RXFP1: variants seen among roughly 807,000 people sequenced by gnomAD.
The protein encoded by RXFP1 is relaxin receptor 1.
A neutral mutation model predicts 89.8 loss-of-function variants in RXFP1; 73 were observed. The ratio of observed to expected loss-of-function variants is 0.81; its 90% CI spans 0.67 to 0.99. The LOEUF (loss-of-function observed/expected upper bound fraction) is 0.99, where lower values mean the gene tolerates loss of function less well. Ranked by LOEUF, RXFP1 falls within the 50% of genes least tolerant of loss-of-function variation. The pLI, the probability that RXFP1 is intolerant of heterozygous loss-of-function variation, is 0.00. For synonymous variants in RXFP1, 277 were observed against 305.5 expected (o/e 0.91, Z 0.97); for missense variants, 793 against 895.5 (o/e 0.89, Z 1.46).
chr4:158,568,930 GTTC>G (rs1166789429), intron 1 of RXFP1, among the ~76,000 whole-genome samples: 1 of 152,128 alleles, frequency 6.6e-6, no homozygotes, highest in Non-Finnish European at 1.5e-5. Flanking sequence ...AAACTATTCT[GTTC>G]TTATTTCTTC....
chr4:158,562,502 C>A (rs1205456257), intron 1 of RXFP1, among the ~76,000 whole-genome samples: 1 of 98,912 alleles, frequency 1.0e-5, no homozygotes, highest in Non-Finnish European at 1.8e-5. Context: ...CCAGCCTGGG[C>A]GACAGAGCGA....
At chr4:158,546,635 A>G (rs572588353) in intron 1 of RXFP1, among the ~76,000 whole-genome samples, 83 of 152,206 alleles carry the variant, frequency 5.5e-4, no homozygotes, top group Admixed American at 3.5e-3. Context: ...ATCGATACCT[A>G]ATTTATTGAG....
chr4:158,594,596 G>T lies in RXFP1; in HGVS notation c.286+1097G>T, dbSNP rs372361434. Among the ~76,000 whole-genome samples, 38 of 152,150 alleles carry T rather than the reference G, an allele frequency of 2.5e-4. No homozygotes were observed. In the East Asian group the frequency reaches 5.2e-3, roughly 21 times the overall value. Reference sequence around the variant, plus strand: ...ATTATTGTTGAAGTCTATATAGGAGGCTATAGATAGGATGTTTTGTTTTAT... The same window carrying T: ...ATTATTGTTGAAGTCTATATAGGAGTCTATAGATAGGATGTTTTGTTTTAT... On this transcript the variant is annotated intron_variant, in intron 3 of 17. Transcript: ENST00000307765.
intron 9 of RXFP1, among the ~76,000 whole-genome samples, chr4:158,618,104 G>A (rs1241917051): frequency 1.3e-5 from 2 of 152,100 alleles, no homozygotes; most frequent in East Asian, 1.9e-4. Flanking sequence ...ATTTTGGTAT[G>A]ACAGTATAAT....
At chr4:158,546,189 G>A (rs1748342034) in intron 1 of RXFP1, among the ~76,000 whole-genome samples, 2 of 151,948 alleles carry the variant, frequency 1.3e-5, no homozygotes, top group African/African-American at 2.4e-5. Flanking sequence ...TGGATTCCTA[G>A]GTATTTTATT....
At chr4:158,630,636 A>G (rs1767854785) in intron 11 of RXFP1, among the ~76,000 whole-genome samples, 1 of 152,224 alleles carries the variant, frequency 6.6e-6, no homozygotes, top group Non-Finnish European at 1.5e-5. Flanking sequence ...AAAGGAAAGA[A>G]TAATACAAAC....
intron 1 of RXFP1, chr4:158,544,017 T>C (rs1747534506): frequency 1.0e-6 from 1 of 985,428 alleles, no homozygotes. Context: ...CATTTAAATA[T>C]AAAGATTCCC....
chr4:158,611,066 G>A (rs974894802), intron 6 of RXFP1, among the ~76,000 whole-genome samples: 4 of 152,194 alleles, frequency 2.6e-5, no homozygotes, highest in East Asian at 1.9e-4. Flanking sequence ...AGTAAGAGGC[G>A]TGAGCAGAGA....
chr4:158,526,926 T>C (rs968564068), intron 1 of RXFP1, among the ~76,000 whole-genome samples: 7 of 152,096 alleles, frequency 4.6e-5, no homozygotes, highest in African/African-American at 7.2e-5. Flanking sequence ...TCATTCTTCC[T>C]CAACTCCTCC....
chr4:158,540,988 A>T (rs941346071), intron 1 of RXFP1, among the ~76,000 whole-genome samples: 1 of 152,218 alleles, frequency 6.6e-6, no homozygotes, highest in Non-Finnish European at 1.5e-5. Context: ...CATTAACAAT[A>T]TAATAGCCAC....
At chr4:158,590,052 A>C (rs1033102403) in intron 2 of RXFP1, among the ~76,000 whole-genome samples, 2 of 152,022 alleles carry the variant, frequency 1.3e-5, no homozygotes, top group African/African-American at 4.8e-5. Flanking sequence ...ACCCTGTCTC[A>C]AAAAAAAATT....
intron 4 of RXFP1, among the ~76,000 whole-genome samples, chr4:158,601,733 G>A (rs1452916398): frequency 6.6e-6 from 1 of 152,188 alleles, no homozygotes; most frequent in African/African-American, 2.4e-5. Context: ...AATGTCAGAA[G>A]AGGACTGAAC....
intron 6 of RXFP1, among the ~76,000 whole-genome samples, chr4:158,609,012 A>ACCT (rs1763058874): frequency 6.6e-6 from 1 of 152,178 alleles, no homozygotes; most frequent in Non-Finnish European, 1.5e-5. Context: ...TTTATGTACC[A>ACCT]CATTTTGTTT....
intron 1 of RXFP1, among the ~76,000 whole-genome samples, chr4:158,569,267 C>G (rs1754525403): frequency 6.6e-6 from 1 of 152,198 alleles, no homozygotes; most frequent in South Asian, 2.1e-4. Context: ...AAAAGAAGAA[C>G]TATGGAGATA....
Position 158,599,418 on chromosome 4 carries a change from A to G in RXFP1, c.379A>G (p.Asn127Asp). ...NLRAVPSVSS[N>D]VTAMSLQWNL... Reference sequence around the variant, plus strand: ...ACGAGCTGTTCCATCGGTTTCTTCAAATGTGACTGCAATGTAAGTAGAAAA... The same window carrying G: ...ACGAGCTGTTCCATCGGTTTCTTCAGATGTGACTGCAATGTAAGTAGAAAA... Residue 127 changes from asparagine (N) to aspartate (D), a missense_variant, in exon 4 of 18, where the codon AAT (asparagine) becomes GAT (aspartate). Transcript: ENST00000307765. 1 of 1,613,364 alleles carries G rather than the reference A, an allele frequency of 6.2e-7. No homozygotes were observed. The highest frequency in any genetic ancestry group is 8.5e-7 in the Non-Finnish European group (1 of 1,179,530).
intron 11 of RXFP1, among the ~76,000 whole-genome samples, chr4:158,633,125 G>T (rs113336987): frequency 6.6e-6 from 1 of 151,654 alleles, no homozygotes; most frequent in East Asian, 1.9e-4. Flanking sequence ...TGCCAAAATC[G>T]CACCACTACA....
At chr4:158,571,403 A>G (rs1755031847) in intron 1 of RXFP1, among the ~76,000 whole-genome samples, 1 of 152,234 alleles carries the variant, frequency 6.6e-6, no homozygotes, top group South Asian at 2.1e-4. Flanking sequence ...GCGGTGGCTC[A>G]CACTTGTAAT....
At chr4:158,554,848 A>T (rs187399287) in intron 1 of RXFP1, among the ~76,000 whole-genome samples, 1 of 152,330 alleles carries the variant, frequency 6.6e-6, no homozygotes, top group East Asian at 1.9e-4. Flanking sequence ...GAAACATTAT[A>T]AACATTTTAA....
At chr4:158,529,974 C>T (rs1434891346) in intron 1 of RXFP1, among the ~76,000 whole-genome samples, 1 of 152,162 alleles carries the variant, frequency 6.6e-6, no homozygotes, top group Non-Finnish European at 1.5e-5. Flanking sequence ...TTTGCAGTTA[C>T]CTGGGTTCAT....
Sources: allele counts gnomAD v4.1 joint callset (sites outside exome capture counted in the v4.1 genomes callset), GRCh38; gene constraint gnomAD v4.1.1; transcripts MANE v1.5; gene names NCBI Gene and HGNC (gene_info 2026-07-23, HGNC 2026-07-21).